GRM3: variants seen among roughly 807,000 people sequenced by gnomAD.
GRM3 encodes metabotropic glutamate receptor 3.
Under a neutral mutation model 70.5 loss-of-function variants are expected in GRM3, and 26 were observed. The observed-to-expected ratio is 0.37, with a 90% CI of 0.27 to 0.51. The LOEUF (loss-of-function observed/expected upper bound fraction) is 0.51, where lower values mean the gene tolerates loss of function less well. Ranked by LOEUF, GRM3 falls within the 20% of genes least tolerant of loss-of-function variation. GRM3 has a pLI of 0.93. For missense variants in GRM3, 859 were observed against 1,123.8 expected, an observed-to-expected ratio of 0.76 and a Z score of 3.37; for synonymous variants, 443 against 434.9, an observed-to-expected ratio of 1.02 and a Z score of -0.23.
intron 4 of GRM3, among the ~76,000 whole-genome samples, chr7:86,841,065 G>A (rs1478148174): frequency 6.6e-6 from 1 of 152,150 alleles, no homozygotes; most frequent in East Asian, 1.9e-4. Context: ...TAATGCATAT[G>A]TTAATTAGCT....
At chr7:86,698,694 T>G (rs560737549) in intron 1 of GRM3, among the ~76,000 whole-genome samples, 1 of 152,024 alleles carries the variant, frequency 6.6e-6, no homozygotes, top group East Asian at 1.9e-4. Context: ...GGTGAATGTC[T>G]GCTGAGATGT....
intron 3 of GRM3, among the ~76,000 whole-genome samples, chr7:86,810,747 T>C (rs1035838937): frequency 3.3e-5 from 5 of 151,768 alleles, no homozygotes; most frequent in African/African-American, 9.7e-5. Context: ...ACTCCTGTTA[T>C]TTAGGTCTCA....
intron 1 of GRM3, among the ~76,000 whole-genome samples, chr7:86,701,408 T>C (rs1052975565): frequency 1.1e-4 from 17 of 151,868 alleles, no homozygotes; most frequent in African/African-American, 3.9e-4. Context: ...AAATTCCTAC[T>C]GGCAGAGATA....
chr7:86,679,567 C>G (rs192293645), intron 1 of GRM3, among the ~76,000 whole-genome samples: 2 of 150,624 alleles, frequency 1.3e-5, no homozygotes, highest in Non-Finnish European at 2.9e-5. Flanking sequence ...ACACAGCCAA[C>G]GTTTTCAAAA....
intron 3 of GRM3, among the ~76,000 whole-genome samples, chr7:86,813,078 A>G (rs1297169632): frequency 6.6e-6 from 1 of 151,802 alleles, no homozygotes; most frequent in African/African-American, 2.4e-5. Flanking sequence ...GTTATTTCAG[A>G]GTTCCAATAT....
intron 1 of GRM3, among the ~76,000 whole-genome samples, chr7:86,692,070 G>T (rs996228336): frequency 1.3e-5 from 2 of 152,052 alleles, no homozygotes; most frequent in Non-Finnish European, 2.9e-5. Flanking sequence ...GTCTGGGCCC[G>T]AATCAAAAAT....
chr7:86,670,159 C>T (rs1277278681), intron 1 of GRM3, among the ~76,000 whole-genome samples: 2 of 152,118 alleles, frequency 1.3e-5, no homozygotes, highest in African/African-American at 4.8e-5. Flanking sequence ...TCTTTTGATA[C>T]CAAGATATTT....
intron 1 of GRM3, among the ~76,000 whole-genome samples, chr7:86,761,805 G>T (rs1796486852): frequency 6.6e-6 from 1 of 152,140 alleles, no homozygotes; most frequent in African/African-American, 2.4e-5. Flanking sequence ...TGAAGGACAG[G>T]CCAAAGATCC....
intron 1 of GRM3, among the ~76,000 whole-genome samples, chr7:86,697,596 A>G (rs1332649055): frequency 6.6e-6 from 1 of 152,168 alleles, no homozygotes; most frequent in Non-Finnish European, 1.5e-5. Flanking sequence ...AATTAATTTC[A>G]AAAGGAAGGT....
chr7:86,756,066 C>CTTTGTTTG (rs201703999), intron 1 of GRM3, among the ~76,000 whole-genome samples: 7 of 151,906 alleles, frequency 4.6e-5, no homozygotes, highest in African/African-American at 1.5e-4. Context: ...TGTAGCATTT[C>CTTTGTTTG]TTTGTTTGTT....
intron 4 of GRM3, among the ~76,000 whole-genome samples, chr7:86,846,585 C>T (rs1259951238): frequency 6.6e-6 from 1 of 152,160 alleles, no homozygotes; most frequent in Non-Finnish European, 1.5e-5. Flanking sequence ...TCACCCCACT[C>T]TACCCTCCAG....
chr7:86,652,989 T>C (rs760273274), intron 1 of GRM3, among the ~76,000 whole-genome samples: 2 of 152,140 alleles, frequency 1.3e-5, no homozygotes, highest in Non-Finnish European at 2.9e-5. Context: ...GTTGTCTTAG[T>C]CTGCTCAGAC....
At chr7:86,856,402 T>C (rs925505203) in intron 5 of GRM3, among the ~76,000 whole-genome samples, 1 of 146,084 alleles carries the variant, frequency 6.8e-6, no homozygotes, top group East Asian at 2.0e-4. Context: ...GCCGAGATCA[T>C]GCCACTGCAC....
chr7:86,831,321 T>C (rs1327031843), intron 3 of GRM3, among the ~76,000 whole-genome samples: 1 of 152,162 alleles, frequency 6.6e-6, no homozygotes, highest in South Asian at 2.1e-4. Flanking sequence ...CTTTTTTTTG[T>C]ATGCATTAAA....
chr7:86,750,949 G>A (rs1480524860), intron 1 of GRM3, among the ~76,000 whole-genome samples: 1 of 152,080 alleles, frequency 6.6e-6, no homozygotes, highest in Non-Finnish European at 1.5e-5. Flanking sequence ...TTTTAAATAT[G>A]AGAGTCCACT....
intron 1 of GRM3, among the ~76,000 whole-genome samples, chr7:86,716,439 A>C (rs1479397227): frequency 6.6e-6 from 1 of 151,932 alleles, no homozygotes; most frequent in Admixed American, 6.6e-5. Context: ...AAATGGTAAG[A>C]AGTTTGTCCA....
chr7:86,845,479 C>A (rs1014025759), intron 4 of GRM3, among the ~76,000 whole-genome samples: 17 of 152,102 alleles, frequency 1.1e-4, no homozygotes, highest in African/African-American at 4.1e-4. Context: ...CCAGCCCCAG[C>A]CCTACCTTTC....
rs186434938 is a variant in GRM3, at chr7:86,707,575, T to C, written c.-140-57431T>C. 1.3e-3 allele frequency among the ~76,000 whole-genome samples: 191 copies of C among 152,164 alleles called. 1 individual carries two copies. The highest frequency in any genetic ancestry group is 4.4e-3 in the African/African-American group (184 of 41,546). Reference sequence around the variant, plus strand: ...GGGGATGATGATAATAATAGACATATATGTACTCCTGTCAGGGTTGATGCA... The same window carrying C: ...GGGGATGATGATAATAATAGACATACATGTACTCCTGTCAGGGTTGATGCA... On this transcript the variant is annotated intron_variant, in intron 1 of 5. Transcript: ENST00000361669.
At chr7:86,723,668 T>C (rs1487096501) in intron 1 of GRM3, among the ~76,000 whole-genome samples, 1 of 152,170 alleles carries the variant, frequency 6.6e-6, no homozygotes, top group Non-Finnish European at 1.5e-5. Context: ...GGGCAGTTCT[T>C]TGAGGGAACA....
Sources: allele counts gnomAD v4.1 joint callset (sites outside exome capture counted in the v4.1 genomes callset), GRCh38; gene constraint gnomAD v4.1.1; transcripts MANE v1.5; gene names NCBI Gene and HGNC (gene_info 2026-07-23, HGNC 2026-07-21).